The following PDGFRL variants were observed in gnomAD, a reference collection of about 807,000 sequenced individuals.
PDGFRL encodes the protein platelet-derived growth factor receptor-like protein.
Under a neutral mutation model 37.2 loss-of-function variants are expected in PDGFRL, and 46 were observed. The ratio of observed to expected loss-of-function variants is 1.24; its 90% CI spans 0.98 to 1.58. The LOEUF is 1.58. PDGFRL is among the 40% of genes most tolerant of loss of function. The pLI, the probability that PDGFRL is intolerant of heterozygous loss-of-function variation, is 0.00. For missense variants in PDGFRL, 692 were observed against 467.6 expected (o/e 1.48, Z -4.43); for synonymous variants, 251 against 184.3 (o/e 1.36, Z -2.93).
At chr8:17,618,205 C>G (rs773034349) in intron 2 of PDGFRL, among the ~76,000 whole-genome samples, 2 of 152,106 alleles carry the variant, frequency 1.3e-5, no homozygotes, top group Non-Finnish European at 2.9e-5. Flanking sequence ...ACTACATGCA[C>G]ACTACCATGC....
chr8:17,628,470 C>T lies in PDGFRL; in HGVS notation c.506-17C>T. ...GTCTCCGGAGTGAATAAGCCTGTGT[C>T]TTCCTTCCCTTTGCAGAGAAAGGAG... On this transcript the variant is annotated splice_polypyrimidine_tract_variant and intron_variant, in intron 3 of 5. Coordinates refer to ENST00000251630, the MANE Select transcript of PDGFRL (RefSeq NM_001372073.1). 6.2e-7 allele frequency: 1 copy of T among 1,608,740 alleles called. No individual in the cohort carries two copies. The highest frequency in any genetic ancestry group is 8.5e-7 in the Non-Finnish European group (1 of 1,175,214).
At chr8:17,594,652 T>C (rs530848679) in intron 2 of PDGFRL, among the ~76,000 whole-genome samples, 1 of 152,232 alleles carries the variant, frequency 6.6e-6, no homozygotes, top group East Asian at 1.9e-4. Flanking sequence ...CCTCCCGGGT[T>C]CAAGCGATTC....
chr8:17,622,091 G>T (rs1804647315), intron 3 of PDGFRL, among the ~76,000 whole-genome samples: 1 of 152,176 alleles, frequency 6.6e-6, no homozygotes, highest in Admixed American at 6.5e-5. Flanking sequence ...AAAATGTTCA[G>T]GTCAGAGTGG....
intron 2 of PDGFRL, among the ~76,000 whole-genome samples, chr8:17,595,961 C>T (rs963597541): frequency 6.6e-6 from 1 of 152,216 alleles, no homozygotes; most frequent in Non-Finnish European, 1.5e-5. Flanking sequence ...GGTTGAGCCT[C>T]CAGTGGGTGA....
At chr8:17,588,846 G>C (rs1432942188) in intron 1 of PDGFRL, among the ~76,000 whole-genome samples, 2 of 152,172 alleles carry the variant, frequency 1.3e-5, no homozygotes, top group Admixed American at 1.3e-4. Context: ...TGTTTTGTGT[G>C]ACTGCTTGGA....
intron 3 of PDGFRL, among the ~76,000 whole-genome samples, chr8:17,626,454 A>C (rs1804735905): frequency 6.6e-6 from 1 of 152,130 alleles, no homozygotes; most frequent in Non-Finnish European, 1.5e-5. Context: ...GTGTTAGTGA[A>C]CTTGGTACTT....
intron 1 of PDGFRL, among the ~76,000 whole-genome samples, chr8:17,581,573 G>GATCCTT (rs1380355047): frequency 6.6e-6 from 1 of 152,182 alleles, no homozygotes; most frequent in East Asian, 1.9e-4. Flanking sequence ...CTTGGGGGTA[G>GATCCTT]ATCCTTCATG....
At chr8:17,641,782 T>TGGTAGAA (rs1805099251) in intron 5 of PDGFRL, among the ~76,000 whole-genome samples, 2 of 151,854 alleles carry the variant, frequency 1.3e-5, no homozygotes, top group Admixed American at 1.3e-4. Flanking sequence ...GGGCTGTGAT[T>TGGTAGAA]GGTAGAAAAT....
At chr8:17,577,683 T>A (rs1259638122) in intron 1 of PDGFRL, among the ~76,000 whole-genome samples, 1 of 151,696 alleles carries the variant, frequency 6.6e-6, no homozygotes, top group African/African-American at 2.4e-5. Flanking sequence ...CCCAGCGGCG[T>A]GGCTGGGACC....
Position 17,638,776 on chromosome 8 carries a change from T to TATATATATATATATATAA in PDGFRL, c.940-3826_940-3825insTATATAAATATATATATA, listed in dbSNP as rs1563532521. Among the ~76,000 whole-genome samples, 16 of 106,022 alleles carry TATATATATATATATATAA rather than the reference T, an allele frequency of 1.5e-4. 1 individual carries two copies. Among genetic ancestry groups the TATATATATATATATATAA allele is most frequent in the South Asian group, 1.4e-3 (4 of 2,950 alleles). The allele number at this position is 106,022 out of a possible 152,430, so 69.6% of individuals were successfully genotyped here. Reference sequence around the variant, plus strand: ...ATATATATATATATATATATATATATATATATATATAATTGTGATATTTTC... The same window carrying TATATATATATATATATAA: ...ATATATATATATATATATATATATATATATATATATATATATAAATATATATATAATTGTGATATTTTC... On this transcript the variant is annotated intron_variant, in intron 5 of 5. Transcript: ENST00000251630.
chr8:17,610,977 T>C (rs1804399178), intron 2 of PDGFRL, among the ~76,000 whole-genome samples: 1 of 152,256 alleles, frequency 6.6e-6, no homozygotes, highest in Admixed American at 6.5e-5. Context: ...GGTGAGTGCC[T>C]ATCTGGAAAG....
intron 1 of PDGFRL, among the ~76,000 whole-genome samples, chr8:17,584,001 G>T (rs954048685): frequency 6.6e-6 from 1 of 152,170 alleles, no homozygotes; most frequent in Admixed American, 6.5e-5. Flanking sequence ...ACGGCCGAAG[G>T]AGTGATACAG....
intron 1 of PDGFRL, among the ~76,000 whole-genome samples, chr8:17,578,780 T>G (rs1273781011): frequency 1.3e-5 from 2 of 152,230 alleles, no homozygotes; most frequent in Admixed American, 1.3e-4. Flanking sequence ...TTACCCTTTC[T>G]TTAAGTGTAA....
At chr8:17,585,944 GT>G in intron 1 of PDGFRL, among the ~76,000 whole-genome samples, 1 of 148,624 alleles carries the variant, frequency 6.7e-6, no homozygotes, top group East Asian at 2.0e-4. Context: ...GGGTTTTGGG[GT>G]TTTTGTCTGT....
chr8:17,579,272 A>T (rs1173659215), intron 1 of PDGFRL, among the ~76,000 whole-genome samples: 1 of 152,186 alleles, frequency 6.6e-6, no homozygotes, highest in African/African-American at 2.4e-5. Flanking sequence ...GTGAACACAC[A>T]GTGCTTCATT....
chr8:17,642,890 G>A lies in PDGFRL; in HGVS notation c.*89G>A, dbSNP rs1182171619. 3.7e-6 allele frequency: 3 copies of A among 816,802 alleles called. No homozygotes were observed. The African/African-American group carries it at 5.1e-5, about 14-fold the overall frequency. The allele number at this position is 816,802 out of a possible 1,614,324, so 50.6% of individuals were successfully genotyped here. ...TTCCTTTTATTAGTGCTTTGCCAGA[G>A]GCTGATGTCAAGCACCACACCCCAA... On this transcript the variant is annotated 3_prime_UTR_variant, in exon 6 of 6. Transcript: ENST00000251630.
chr8:17,598,799 C>A (rs556654002), intron 2 of PDGFRL, among the ~76,000 whole-genome samples: 1 of 152,230 alleles, frequency 6.6e-6, no homozygotes, highest in East Asian at 1.9e-4. Flanking sequence ...TTCCCCCATA[C>A]TGTTCTCATG....
upstream of PDGFRL, chr8:17,577,203 G>T (rs777510139): frequency 1.3e-5 from 21 of 1,555,848 alleles, no homozygotes; most frequent in Non-Finnish European, 1.8e-5. Context: ...CTGCGTCCCC[G>T]CCCCGCGCAG....
chr8:17,621,028 G>T lies in PDGFRL; in HGVS notation c.354-23G>T. ...CCCAGCCAGGTCTGACTTGCTTTGA[G>T]TTCATGTGTCTTTTATTCCTAGCGT... On this transcript the variant is annotated intron_variant, in intron 2 of 5. Coordinates refer to ENST00000251630, the MANE Select transcript of PDGFRL (RefSeq NM_001372073.1). 1.9e-6 allele frequency: 3 copies of T among 1,573,828 alleles called. No homozygotes were observed. The East Asian group carries it at 6.9e-5, about 36-fold the overall frequency.
Sources: gnomAD v4.1 joint callset for allele counts (sites outside exome capture counted in the v4.1 genomes callset) on GRCh38, gnomAD v4.1.1 for gene constraint, MANE v1.5 for transcripts, NCBI Gene and HGNC (gene_info 2026-07-23, HGNC 2026-07-21) for gene names.